The following ZC3H12B variants were observed in gnomAD, a reference collection of about 807,000 sequenced individuals.
ZC3H12B encodes zinc finger CCCH-type containing 12B.
In ZC3H12B, 7 loss-of-function variants were observed where a neutral mutation model predicts 43.9. The ratio of observed to expected loss-of-function variants is 0.16; its 90% CI spans 0.09 to 0.30. The LOEUF (loss-of-function observed/expected upper bound fraction) is 0.30. Among genes scored for constraint, ZC3H12B ranks in the 10% least tolerant of loss-of-function variants. The pLI is 1.00. For synonymous variants in ZC3H12B, 222 were observed against 241.7 expected, an observed-to-expected ratio of 0.92 and a Z score of 0.76; for missense variants, 475 against 670.2, an observed-to-expected ratio of 0.71 and a Z score of 3.22.
At chrX:65,305,854 C>T in the ZC3H12B span, among the ~76,000 whole-genome samples, 1 of 111,392 alleles carries the variant, frequency 9.0e-6, no homozygotes, top group Non-Finnish European at 1.9e-5. Context: ...AGTCATTTAA[C>T]CGAACCTGTT....
the ZC3H12B span, among the ~76,000 whole-genome samples, chrX:65,267,502 A>G: frequency 1.8e-5 from 2 of 110,905 alleles, no homozygotes; most frequent in Non-Finnish European, 3.8e-5. Context: ...TACACAGGGG[A>G]AAAAAGGAAA....
chrX:65,335,045 C>A, the ZC3H12B span, among the ~76,000 whole-genome samples: 1 of 111,329 alleles, frequency 9.0e-6, no homozygotes, highest in Non-Finnish European at 1.9e-5. Flanking sequence ...ATAAGCTATC[C>A]CCAAAAGTAT....
chrX:65,115,519 T>A, the ZC3H12B span, among the ~76,000 whole-genome samples: 1 of 111,640 alleles, frequency 9.0e-6, no homozygotes, highest in East Asian at 2.8e-4. Flanking sequence ...TAAACATGCA[T>A]GTGCAAGTAT....
the ZC3H12B span, among the ~76,000 whole-genome samples, chrX:65,195,134 A>G: frequency 2.8e-5 from 3 of 107,882 alleles, no homozygotes; most frequent in South Asian, 4.1e-4. Context: ...TGTCTTTTTA[A>G]TGGAGAGTTT....
Position 65,370,804 on chromosome X carries a change from C to T in ZC3H12B, n.295+1806C>T, listed in dbSNP as rs974902811. Among the ~76,000 whole-genome samples, 5 of 111,747 alleles carry T rather than the reference C, an allele frequency of 4.5e-5. 1 individual carries two copies. The highest frequency in any genetic ancestry group is 9.5e-5 in the Admixed American group (1 of 10,487). ...AACAGTTCATATTAAAATCTTGGCT[C>T]AAAGCAGTGAATGAAAAGTTAGAGG... On this transcript the variant is annotated intron_variant and non_coding_transcript_variant, in intron 2 of 5. Transcript: ENST00000617377.
chrX:65,502,476 A>G, exon 5 of ZC3H12B: 2 of 1,210,892 alleles, frequency 1.7e-6, no homozygotes, highest in Non-Finnish European at 2.2e-6. Context: ...ACCAGGAATG[A>G]CAACTATTCC....
At chrX:65,338,358 A>G in the ZC3H12B span, among the ~76,000 whole-genome samples, 1 of 111,906 alleles carries the variant, frequency 8.9e-6, no homozygotes, top group African/African-American at 3.3e-5. Context: ...TGGACAATTG[A>G]ATCACTAATT....
chrX:65,050,465 C>G, the ZC3H12B span, among the ~76,000 whole-genome samples: 1 of 111,020 alleles, frequency 9.0e-6, no homozygotes, highest in Admixed American at 9.5e-5. Context: ...AACAGGCATC[C>G]TTGCCTTGTT....
chrX:65,195,735 A>G, the ZC3H12B span, among the ~76,000 whole-genome samples: 3 of 111,917 alleles, frequency 2.7e-5, no homozygotes, highest in Admixed American at 9.5e-5. Context: ...TGCAAGTACA[A>G]AGGAATGTGG....
chrX:65,408,520 C>T, intron 3 of ZC3H12B: 2 of 1,207,271 alleles, frequency 1.7e-6, no homozygotes. Context: ...TTACGCCTCA[C>T]CCTTCGGGAC....
the ZC3H12B span, among the ~76,000 whole-genome samples, chrX:65,135,366 T>C: frequency 9.0e-6 from 1 of 110,525 alleles, no homozygotes; most frequent in African/African-American, 3.3e-5. Context: ...TTTTTTTTCC[T>C]GAAAGTCCAA....
At chrX:65,066,662 G>A in the ZC3H12B span, among the ~76,000 whole-genome samples, 3 of 112,081 alleles carry the variant, frequency 2.7e-5, no homozygotes, top group African/African-American at 6.5e-5. Context: ...AGCACAGCTC[G>A]AGTGCTGTGC....
intron 3 of ZC3H12B, among the ~76,000 whole-genome samples, chrX:65,437,522 CTGTT>C (rs2067236010): frequency 8.9e-6 from 1 of 112,220 alleles, no homozygotes; most frequent in Admixed American, 9.5e-5. Flanking sequence ...TTTCATATGT[CTGTT>C]TGGCATTTGT....
chrX:65,212,398 A>T, the ZC3H12B span, among the ~76,000 whole-genome samples: 31 of 57,647 alleles, frequency 5.4e-4, no homozygotes, highest in African/African-American at 2.2e-3. Flanking sequence ...ATATAATTAT[A>T]TTTATATTTA....
At chrX:65,080,174 C>A in the ZC3H12B span, among the ~76,000 whole-genome samples, 1 of 92,816 alleles carries the variant, frequency 1.1e-5, no homozygotes. Flanking sequence ...TGAAAGTACA[C>A]AGAGAAGACA....
the ZC3H12B span, chrX:65,271,527 A>G: frequency 1.8e-5 from 2 of 112,522 alleles, no homozygotes; most frequent in African/African-American, 6.5e-5. Flanking sequence ...TTGGCAGCTG[A>G]AAGTCTCTCA....
chrX:65,430,099 C>A (rs995575929), intron 3 of ZC3H12B, among the ~76,000 whole-genome samples: 1 of 112,438 alleles, frequency 8.9e-6, no homozygotes, highest in African/African-American at 3.2e-5. Context: ...GGGGTATGTA[C>A]AAACCTCCCA....
At chrX:65,262,736 G>A in the ZC3H12B span, among the ~76,000 whole-genome samples, 1 of 111,066 alleles carries the variant, frequency 9.0e-6, no homozygotes, top group East Asian at 2.8e-4. Flanking sequence ...CACAATGCTA[G>A]TAAAGCAAGG....
At chrX:65,064,832 T>A in the ZC3H12B span, among the ~76,000 whole-genome samples, 1 of 112,214 alleles carries the variant, frequency 8.9e-6, no homozygotes, top group African/African-American at 3.2e-5. Flanking sequence ...CCTCCTTTAT[T>A]GGGTGCATAT....
Sources: allele counts gnomAD v4.1 joint callset (sites outside exome capture counted in the v4.1 genomes callset), GRCh38; gene constraint gnomAD v4.1.1; transcripts MANE v1.5; gene names NCBI Gene and HGNC (gene_info 2026-07-23, HGNC 2026-07-21).